Variants in KIAA1755 observed in about 807,000 individuals in gnomAD.
KIAA1755 encodes KIAA1755.
KIAA1755 carries 68 observed loss-of-function variants against 91.7 expected under a neutral mutation model. That is an observed-to-expected ratio of 0.74 (90% CI 0.61 to 0.91). The LOEUF (loss-of-function observed/expected upper bound fraction) is 0.91. KIAA1755 is among the 40% of genes least tolerant of loss of function. The pLI is 0.00. For missense variants in KIAA1755, 1,535 were observed against 1,494.4 expected (o/e 1.03, Z -0.45); for synonymous variants, 610 against 604.6 (o/e 1.01, Z -0.13).
At chr20:38,216,937 G>A in intron 13 of KIAA1755, 1 of 609,086 alleles carries the variant, frequency 1.6e-6, no homozygotes, top group South Asian at 1.5e-5. Context: ...CATGTCACGG[G>A]GTACCACAGA....
Position 38,240,969 on chromosome 20 carries a change from TGA to T in KIAA1755, c.1160_1161del (p.Leu387GlnfsTer49), listed in dbSNP as rs751905300. 4 of 1,614,106 alleles carry T rather than the reference TGA, an allele frequency of 2.5e-6. No individual in the cohort carries two copies. In the East Asian group the frequency reaches 8.9e-5, roughly 36 times the overall value. ...LEDALDCASGLRAGVSQEPAA... is the reference protein window; with the variant it reads ...LEDALDCASGXRAGVSQEPAA... ...GCTGGCTCTTGTGAGACACCTGCCC[TGA>T]GACCAGAGGCACAGTCCAGTGCGTC... is the stretch of plus-strand genomic sequence containing the variant. On this transcript the variant is annotated frameshift_variant, in exon 3 of 14. Coordinates refer to ENST00000279024, the MANE Select transcript of KIAA1755 (RefSeq NM_001029864.2). LOFTEE classifies it high-confidence loss of function.
chr20:38,219,158 G>A (rs900503409), intron 11 of KIAA1755, among the ~76,000 whole-genome samples: 4 of 152,174 alleles, frequency 2.6e-5, no homozygotes, highest in African/African-American at 9.7e-5. Flanking sequence ...AGTGTGCCGT[G>A]CCCCACAGCT....
Position 38,217,347 on chromosome 20 carries a change from G to T in KIAA1755, c.2807C>A (p.Ala936Asp). ...AAAGTGGGTCAGCTCAGCCTGGAAG[G>T]CCCGCTGGGTAGAGGCAAAGGCTGC... is the stretch of plus-strand genomic sequence containing the variant. The part of the protein sequence containing the change: ...ELAAFASTQR[A>D]FQAELTHFYM... The change falls in exon 13 of 14, where the codon GCC becomes GAC. Residue 936 changes from alanine (A) to aspartate (D), a missense_variant. Ala to Asp is a moderately radical substitution (Grantham distance 126). Transcript: ENST00000279024. 2 of 1,612,926 alleles carry T rather than the reference G, an allele frequency of 1.2e-6. No homozygotes were observed. Among genetic ancestry groups the T allele is most frequent in the Non-Finnish European group, 1.7e-6 (2 of 1,179,596 alleles).
At chr20:38,239,455 C>T in intron 4 of KIAA1755, 73 bp downstream of exon 4, 1 of 1,393,678 alleles carries the variant, frequency 7.2e-7, no homozygotes. Flanking sequence ...CTCCCCTCCA[C>T]CCAACAGCAG....
At chr20:38,260,059 C>A in intron 1 of KIAA1755, 1 of 475,166 alleles carries the variant, frequency 2.1e-6, no homozygotes, top group Non-Finnish European at 3.3e-6. Context: ...ACCCTCCTCG[C>A]CCTGCACTGC....
In KIAA1755 at chr20:38,226,431, A is replaced by C. The variant is rs796168509; in HGVS notation, c.2053-650T>G. The stretch of plus-strand genomic sequence containing the variant: ...CGGCATCACCTAGGACATGTTGGAA[A>C]TTCAGAGTCCCAGGACCCACCCAGA... On this transcript the variant is annotated intron_variant, in intron 7 of 13. Transcript: ENST00000279024. 2.0e-5 allele frequency among the ~76,000 whole-genome samples: 3 copies of C among 152,156 alleles called. No individual in the cohort carries two copies. The South Asian group carries it at 6.2e-4, about 31-fold the overall frequency.
In KIAA1755 at chr20:38,240,813, C is replaced by T; in HGVS notation, c.1318G>A (p.Glu440Lys). The T allele has an allele frequency of 6.2e-7, 1 of 1,613,756 alleles. No individual in the cohort carries two copies. The highest frequency in any genetic ancestry group is 8.5e-7 in the Non-Finnish European group (1 of 1,179,888). The change falls in exon 3 of 14, where the codon GAG (glutamate) becomes AAG (lysine). Residue 440 changes from glutamate to lysine, a missense_variant. Physicochemically the swap from Glu to Lys is moderately conservative, Grantham distance 56. Transcript: ENST00000279024. ...CCATTTCTCTCTTTGGTCTTCACCT[C>T]TATCTTTGTTTCAGAGGCTGCAGCT... Reference protein sequence around the residue: ...PAAAASETKIEVKTKERNGRL... With the variant: ...PAAAASETKIKVKTKERNGRL...
intron 1 of KIAA1755, among the ~76,000 whole-genome samples, chr20:38,255,991 C>T (rs2076333617): frequency 6.6e-6 from 1 of 152,198 alleles, no homozygotes. Context: ...GTGTGTTAGG[C>T]CCCTGCTAAG....
At chr20:38,260,353 G>A in intron 1 of KIAA1755, 145 bp downstream of exon 1, 2 of 1,579,510 alleles carry the variant, frequency 1.3e-6, no homozygotes, top group Middle Eastern at 1.7e-4. Context: ...TGGGGTGGAA[G>A]CAGGTAAGCA....
chr20:38,242,078 G>T, intron 2 of KIAA1755, 149 bp from the exon 3 acceptor site: 1 of 804,456 alleles, frequency 1.2e-6, no homozygotes, highest in Non-Finnish European at 1.9e-6. Context: ...TCAAGGTTGT[G>T]CAAAGGTTGA....
intron 1 of KIAA1755, among the ~76,000 whole-genome samples, chr20:38,247,575 G>A (rs541521060): frequency 6.6e-6 from 1 of 152,330 alleles, no homozygotes; most frequent in Admixed American, 6.5e-5. Flanking sequence ...CCCATCTAAA[G>A]GCAGGTGTAA....
Position 38,240,763 on chromosome 20 carries a change from G to T in KIAA1755, c.1368C>A (p.Cys456Ter). The change falls in exon 3 of 14, where the codon TGC (cysteine) becomes TGA (stop). Residue 456 changes from cysteine (C) to a stop codon, truncating the protein, a stop_gained. Transcript: ENST00000279024. LOFTEE classifies it high-confidence loss of function. The stretch of plus-strand genomic sequence containing the variant: ...CAGGGGAGGAGGTGTTTCTGCTAGG[G>T]CAGGGCATGGGCTTGGGAAGTCTCC... ...RNGRLPKPMPCPSRNTSSPEP... is the reference protein window; with the variant it reads ...RNGRLPKPMP 4.4e-6 allele frequency: 7 copies of T among 1,591,642 alleles called. No homozygotes were observed. The highest frequency in any genetic ancestry group is 6.0e-6 in the Non-Finnish European group (7 of 1,168,148).
chr20:38,240,767 G>A lies in KIAA1755; in HGVS notation c.1364C>T (p.Pro455Leu). ...ERNGRLPKPM[P>L]CPSRNTSSPE... ...GGAGGAGGTGTTTCTGCTAGGGCAG[G>A]GCATGGGCTTGGGAAGTCTCCCATT... The change falls in exon 3 of 14, where the codon CCC becomes CTC. Residue 455 changes from proline to leucine, a missense_variant. Pro to Leu is a moderately conservative substitution (Grantham distance 98). Coordinates refer to ENST00000279024, the MANE Select transcript of KIAA1755 (RefSeq NM_001029864.2). 6.3e-7 allele frequency: 1 copy of A among 1,598,134 alleles called. No individual in the cohort carries two copies. Among genetic ancestry groups the A allele is most frequent in the African/African-American group, 1.3e-5 (1 of 74,584 alleles).
Position 38,241,113 on chromosome 20 carries a change from G to A in KIAA1755, c.1018C>T (p.Pro340Ser), listed in dbSNP as rs2076053142. Residue 340 changes from proline to serine, a missense_variant, in exon 3 of 14, where the codon CCA (proline) becomes TCA (serine). By Grantham distance (74) the Pro-to-Ser change is moderately conservative (BLOSUM62 -1). Transcript: ENST00000279024. ...TAGGGCCTCTCCTCAGAGCTTTCTG[G>A]CTTTGTGCAAGCCCGATTTCCCAAG... ...PSLGNRACTK[P>S]ESSEERPYNL... 1 of 1,614,054 alleles carries A rather than the reference G, an allele frequency of 6.2e-7. No homozygotes were observed. The highest frequency in any genetic ancestry group is 8.5e-7 in the Non-Finnish European group (1 of 1,179,980).
chr20:38,228,170 C>T lies in KIAA1755; in HGVS notation c.1942G>A (p.Val648Ile), dbSNP rs370976438. Residue 648 changes from valine to isoleucine, a missense_variant, in exon 6 of 14, where the codon GTC (valine) becomes ATC (isoleucine). Physicochemically the swap from Val to Ile is conservative, Grantham distance 29 (BLOSUM62 3). Transcript: ENST00000279024. ...ACCTGGGTGGCCTGCAGGGCGCTGA[C>T]CAGACCGGGCTGTGGGGGCTGTCTC... ...ARRQPPQPGL[V>I]SALQATQAQV... 2.5e-6 allele frequency: 4 copies of T among 1,605,158 alleles called. No homozygotes were observed. In the African/African-American group the frequency reaches 5.3e-5, roughly 21 times the overall value.
chr20:38,259,285 T>A (rs1463911746), intron 1 of KIAA1755, among the ~76,000 whole-genome samples: 1 of 152,172 alleles, frequency 6.6e-6, no homozygotes, highest in Non-Finnish European at 1.5e-5. Context: ...TGCATGGATG[T>A]AGGTGCCCGG....
chr20:38,227,116 A>G, intron 7 of KIAA1755, 38 bp downstream of exon 7: 2 of 1,527,998 alleles, frequency 1.3e-6, no homozygotes, highest in Non-Finnish European at 1.8e-6. Flanking sequence ...GAGCCCAACA[A>G]CTCCCTTCCT....
intron 2 of KIAA1755, among the ~76,000 whole-genome samples, chr20:38,244,782 C>T (rs2076125500): frequency 6.6e-6 from 1 of 152,208 alleles, no homozygotes; most frequent in Non-Finnish European, 1.5e-5. Context: ...GATCTTGGCT[C>T]ACTGCAACCT....
chr20:38,252,083 T>A (rs1017761919), intron 1 of KIAA1755, among the ~76,000 whole-genome samples: 1 of 152,132 alleles, frequency 6.6e-6, no homozygotes, highest in Admixed American at 6.5e-5. Context: ...TTAAACTATC[T>A]TTCCCTGATG....
Sources: allele counts gnomAD v4.1 joint callset (sites outside exome capture counted in the v4.1 genomes callset), GRCh38; gene constraint gnomAD v4.1.1; transcripts MANE v1.5; gene names NCBI Gene and HGNC (gene_info 2026-07-23, HGNC 2026-07-21).